CREB5: variants seen among roughly 807,000 people sequenced by gnomAD.
CREB5 encodes the protein cAMP responsive element binding protein 5.
CREB5 carries 19 observed loss-of-function variants against 57.1 expected under a neutral mutation model. The observed-to-expected ratio is 0.33, with a 90% CI of 0.23 to 0.49. The LOEUF is 0.49. Ranked by LOEUF, CREB5 falls within the 20% of genes least tolerant of loss-of-function variation. The pLI, the probability that CREB5 is intolerant of heterozygous loss-of-function variation, is 0.99. For missense variants in CREB5, 579 were observed against 671.6 expected, an observed-to-expected ratio of 0.86 and a Z score of 1.52; for synonymous variants, 238 against 238.3, an observed-to-expected ratio of 1.00 and a Z score of 0.01.
intron 5 of CREB5, among the ~76,000 whole-genome samples, chr7:28,578,162 AG>A (rs1243982824): frequency 6.6e-6 from 1 of 152,212 alleles, no homozygotes; most frequent in Non-Finnish European, 1.5e-5. Context: ...GCCTTGGATA[AG>A]GTGCCATGTG....
Position 28,413,150 on chromosome 7 carries a change from A to G in CREB5, c.3+233A>G, listed in dbSNP as rs141127488. On this transcript the variant is annotated intron_variant, in intron 1 of 10. Transcript: ENST00000357727. ...TGAATAAGACTATTATTTCCCAGGT[A>G]AAATATGTTCAGAAGCATATGAACT... 5.3e-5 allele frequency among the ~76,000 whole-genome samples: 8 copies of G among 150,698 alleles called. No individual in the cohort carries two copies. The East Asian group carries it at 1.4e-3, about 26-fold the overall frequency.
Position 28,621,816 on chromosome 7 carries a change from G to A in CREB5, c.464+51279G>A, listed in dbSNP as rs560378212. The stretch of plus-strand genomic sequence containing the variant: ...GCAAGCATTCTGACTGCAACTTAAA[G>A]TATTAAGGACAACATATATCCAGAG... On this transcript the variant is annotated intron_variant, in intron 5 of 10. Transcript: ENST00000357727. Among the ~76,000 whole-genome samples the A allele has an allele frequency of 3.9e-5, 6 of 152,246 alleles. No individual in the cohort carries two copies. In the South Asian group the frequency reaches 1.2e-3, roughly 32 times the overall value.
intron 4 of CREB5, among the ~76,000 whole-genome samples, chr7:28,557,507 A>T (rs1185720533): frequency 6.6e-6 from 1 of 152,180 alleles, no homozygotes; most frequent in East Asian, 1.9e-4. Flanking sequence ...TTATTTGAAG[A>T]ATAAGGATCA....
chr7:28,522,390 G>GT (rs11291433), intron 4 of CREB5, among the ~76,000 whole-genome samples: 10,955 of 97,538 alleles, frequency 0.11, 925 homozygotes, highest in African/African-American at 0.18. Flanking sequence ...CCTGCTCTTT[G>GT]TTTTTTTTTT....
chr7:28,417,708 T>C (rs1788082577), intron 1 of CREB5, among the ~76,000 whole-genome samples: 1 of 152,204 alleles, frequency 6.6e-6, no homozygotes, highest in Non-Finnish European at 1.5e-5. Context: ...TCTACTCTAA[T>C]ATTCTATGAT....
intron 1 of CREB5, among the ~76,000 whole-genome samples, chr7:28,431,981 C>CA (rs142344867): frequency 0.22 from 29,645 of 137,682 alleles, 3,905 homozygotes; most frequent in South Asian, 0.31. Flanking sequence ...AACAGCTATG[C>CA]CTTTTTTTTT....
chr7:28,583,247 CAA>C (rs1027124089), intron 5 of CREB5, among the ~76,000 whole-genome samples: 12 of 152,224 alleles, frequency 7.9e-5, no homozygotes, highest in African/African-American at 2.9e-4. Flanking sequence ...GTACCACAAA[CAA>C]GAGGAAAAGT....
In CREB5 at chr7:28,697,038, C is replaced by T. The variant is rs1228278287; in HGVS notation, c.465-21715C>T. 4.0e-5 allele frequency among the ~76,000 whole-genome samples: 6 copies of T among 151,760 alleles called. No individual in the cohort carries two copies. The South Asian group carries it at 6.2e-4, about 16-fold the overall frequency. On this transcript the variant is annotated intron_variant, in intron 5 of 10. Coordinates refer to ENST00000357727, the MANE Select transcript of CREB5 (RefSeq NM_182898.4). Reference sequence around the variant, plus strand: ...ATATATTTATATACACACATATGTACATTGGATTATGTGTATAATATGCAC... The same window carrying T: ...ATATATTTATATACACACATATGTATATTGGATTATGTGTATAATATGCAC...
intron 7 of CREB5, among the ~76,000 whole-genome samples, chr7:28,728,714 G>T (rs761705521): frequency 3.3e-5 from 5 of 152,166 alleles, no homozygotes; most frequent in African/African-American, 1.2e-4. Context: ...ACTGAGAAAG[G>T]CCCCATGAAT....
chr7:28,760,190 G>A (rs142995710), intron 7 of CREB5, among the ~76,000 whole-genome samples: 8 of 152,298 alleles, frequency 5.3e-5, no homozygotes, highest in Non-Finnish European at 1.0e-4. Flanking sequence ...CTCTGAGTCT[G>A]TATTTCCAGG....
At chr7:28,553,435 T>C (rs1794747587) in intron 4 of CREB5, among the ~76,000 whole-genome samples, 2 of 152,252 alleles carry the variant, frequency 1.3e-5, no homozygotes, top group South Asian at 4.1e-4. Context: ...TAAAATTTTA[T>C]TTGGGAAAGG....
chr7:28,581,308 C>G (rs1796115481), intron 5 of CREB5, among the ~76,000 whole-genome samples: 1 of 152,218 alleles, frequency 6.6e-6, no homozygotes, highest in Non-Finnish European at 1.5e-5. Flanking sequence ...TTCCTCCAGC[C>G]TTCTTTAGGG....
chr7:28,363,875 C>A lies in CREB5; in HGVS notation c.-25+64434C>A, dbSNP rs1044483211. Among the ~76,000 whole-genome samples, 6 of 152,134 alleles carry A rather than the reference C, an allele frequency of 3.9e-5. 1 individual carries two copies. The highest frequency in any genetic ancestry group is 3.3e-4 in the Admixed American group (5 of 15,272). Reference sequence around the variant, plus strand: ...TTGAGGGGAGAATTGTCATTGGTCTCAAATATTAATGTATCATATTCCATT... The same window carrying A: ...TTGAGGGGAGAATTGTCATTGGTCTAAAATATTAATGTATCATATTCCATT... On this transcript the variant is annotated intron_variant, in intron 1 of 9. Coordinates refer to the CREB5 transcript ENST00000396299.
rs563870792 is a variant in CREB5 at position 28,372,771 on chromosome 7, T to G, written c.-25+73330T>G. Among the ~76,000 whole-genome samples the G allele has an allele frequency of 2.0e-5, 3 of 152,362 alleles. No homozygotes were observed. In the East Asian group the frequency reaches 5.8e-4, roughly 29 times the overall value. The stretch of plus-strand genomic sequence containing the variant: ...CTTTTTCTTTGGAAAGACAGCCTTA[T>G]AAAGTGCTCTTTGTGGAATAAATGA... On this transcript the variant is annotated intron_variant, in intron 1 of 9. Coordinates refer to the CREB5 transcript ENST00000396299.
intron 7 of CREB5, among the ~76,000 whole-genome samples, chr7:28,758,215 C>A (rs1434907930): frequency 6.6e-6 from 1 of 152,152 alleles, no homozygotes; most frequent in Non-Finnish European, 1.5e-5. Context: ...AATGGCAGGA[C>A]AGGATTTGTG....
intron 7 of CREB5, among the ~76,000 whole-genome samples, chr7:28,777,765 T>A (rs1806745032): frequency 6.6e-6 from 1 of 152,176 alleles, no homozygotes; most frequent in Admixed American, 6.5e-5. Flanking sequence ...TTTTTAAAAT[T>A]ATAGTATTTA....
intron 1 of CREB5, among the ~76,000 whole-genome samples, chr7:28,317,237 C>T (rs1359279310): frequency 6.6e-6 from 1 of 152,096 alleles, no homozygotes; most frequent in Non-Finnish European, 1.5e-5. Context: ...CAGATTACCC[C>T]AGGAAAGTGT....
At chr7:28,813,055 G>A (rs929106857) in intron 9 of CREB5, among the ~76,000 whole-genome samples, 1 of 152,116 alleles carries the variant, frequency 6.6e-6, no homozygotes, top group African/African-American at 2.4e-5. Flanking sequence ...GGTCAAAAAA[G>A]GTATAGGAAT....
chr7:28,626,002 G>C (rs1050675030), intron 5 of CREB5, among the ~76,000 whole-genome samples: 3 of 152,146 alleles, frequency 2.0e-5, no homozygotes, highest in Non-Finnish European at 4.4e-5. Context: ...CACCCTCTGG[G>C]AAAAGTTTAC....
Sources: gnomAD v4.1 joint callset for allele counts (sites outside exome capture counted in the v4.1 genomes callset) on GRCh38, gnomAD v4.1.1 for gene constraint, MANE v1.5 for transcripts, NCBI Gene and HGNC (gene_info 2026-07-23, HGNC 2026-07-21) for gene names.